The following PHF21A variants were observed in gnomAD, a reference collection of about 807,000 sequenced individuals.
PHF21A encodes PHD finger protein 21A, also known as BHC80a.
PHF21A carries 11 observed loss-of-function variants against 82.5 expected under a neutral mutation model. That is an observed-to-expected ratio of 0.13 (90% CI 0.08 to 0.22). The LOEUF (loss-of-function observed/expected upper bound fraction) is 0.22, where lower values mean the gene tolerates loss of function less well. PHF21A is among the 10% of genes least tolerant of loss of function. The probability of loss-of-function intolerance (pLI) is 1.00; values close to 1 mark genes in which losing one functional copy is unlikely to be tolerated. For missense variants in PHF21A, 579 were observed against 837.8 expected (o/e 0.69, Z 3.81); for synonymous variants, 297 against 302.8 (o/e 0.98, Z 0.20).
chr11:46,027,712 T>C (rs1010569222), intron 6 of PHF21A, among the ~76,000 whole-genome samples: 3 of 152,220 alleles, frequency 2.0e-5, no homozygotes, highest in Admixed American at 6.5e-5. Context: ...AAGACGCCTA[T>C]TGTTCCCATA....
At chr11:45,993,028 A>G (rs766761246) in intron 6 of PHF21A, among the ~76,000 whole-genome samples, 2 of 152,230 alleles carry the variant, frequency 1.3e-5, no homozygotes, top group Non-Finnish European at 2.9e-5. Context: ...AATTACAGTA[A>G]GCAAAATGTA....
intron 1 of PHF21A, among the ~76,000 whole-genome samples, chr11:46,106,033 G>A (rs2097148987): frequency 6.6e-6 from 1 of 152,174 alleles, no homozygotes; most frequent in Admixed American, 6.5e-5. Flanking sequence ...GAACAGGACT[G>A]GACCTAAAGG....
In PHF21A at chr11:46,079,171, T is replaced by G; in HGVS notation, c.55-5A>C. 1.9e-6 allele frequency: 3 copies of G among 1,595,430 alleles called. No homozygotes were observed. In the South Asian group the frequency reaches 3.4e-5, roughly 18 times the overall value. On this transcript the variant is annotated splice_polypyrimidine_tract_variant and splice_region_variant and intron_variant, in intron 4 of 18. Coordinates refer to ENST00000676320, the MANE Select transcript of PHF21A (RefSeq NM_001352027.3). The stretch of plus-strand genomic sequence containing the variant: ...CTTCATTTGAGCAACCAGTTTCTGG[T>G]AATAAAGAGAGAAAAAGAGCCATCA...
chr11:46,059,529 A>G (rs978025219), intron 6 of PHF21A, among the ~76,000 whole-genome samples: 3 of 152,098 alleles, frequency 2.0e-5, no homozygotes, highest in Non-Finnish European at 4.4e-5. Flanking sequence ...GGGTTCAAGC[A>G]ATCCTCCTGA....
At chr11:45,969,352 T>C (rs897255128) in intron 9 of PHF21A, among the ~76,000 whole-genome samples, 1 of 152,234 alleles carries the variant, frequency 6.6e-6, no homozygotes, top group African/African-American at 2.4e-5. Context: ...CCTAAGCCTT[T>C]AGAAGCAAGG....
chr11:45,955,430 G>A (rs1212133355), intron 10 of PHF21A, among the ~76,000 whole-genome samples: 1 of 152,156 alleles, frequency 6.6e-6, no homozygotes, highest in Non-Finnish European at 1.5e-5. Flanking sequence ...CTTTGAATAG[G>A]AAGGAGAGAA....
At chr11:46,090,058 T>C (rs2096906198) in intron 3 of PHF21A, among the ~76,000 whole-genome samples, 2 of 151,580 alleles carry the variant, frequency 1.3e-5, no homozygotes, top group Non-Finnish European at 2.9e-5. Flanking sequence ...CTAACTTTCT[T>C]TACAAAAATC....
At chr11:45,958,550 G>T (rs937451693) in intron 10 of PHF21A, among the ~76,000 whole-genome samples, 1 of 146,034 alleles carries the variant, frequency 6.8e-6, no homozygotes, top group African/African-American at 2.5e-5. Context: ...CACTTGAGCC[G>T]AAATCATGCC....
intron 6 of PHF21A, among the ~76,000 whole-genome samples, chr11:46,006,862 T>C (rs1591874823): frequency 6.6e-6 from 1 of 152,172 alleles, no homozygotes; most frequent in Admixed American, 6.5e-5. Flanking sequence ...AAAATACAAA[T>C]CAACAGGTAC....
intron 6 of PHF21A, among the ~76,000 whole-genome samples, chr11:45,993,996 T>C (rs924525133): frequency 1.3e-5 from 2 of 152,126 alleles, no homozygotes; most frequent in South Asian, 2.1e-4. Flanking sequence ...AGGGAGACTG[T>C]ACTTCTGTCA....
At chr11:45,965,103 A>C (rs1357521556) in intron 10 of PHF21A, among the ~76,000 whole-genome samples, 3 of 152,218 alleles carry the variant, frequency 2.0e-5, no homozygotes, top group Non-Finnish European at 1.5e-5. Context: ...ATCCCAGCCC[A>C]TCTACGAGGG....
chr11:46,082,265 T>C (rs2096801077), intron 4 of PHF21A, among the ~76,000 whole-genome samples: 1 of 152,142 alleles, frequency 6.6e-6, no homozygotes, highest in Non-Finnish European at 1.5e-5. Flanking sequence ...CCTAATCTCA[T>C]TCCCTAACTG....
In PHF21A at chr11:46,014,756, G is replaced by A. The variant is rs371651231; in HGVS notation, c.154-34790C>T. 2.6e-4 allele frequency among the ~76,000 whole-genome samples: 28 copies of A among 109,676 alleles called. 13 individuals are homozygous for A. Among genetic ancestry groups the A allele is most frequent in the Middle Eastern group, 8.2e-3 (2 of 244 alleles). 72.0% of individuals were successfully genotyped at this position (109,676 alleles called of 152,430 possible). ...AGCACTTTGGGAGGCCGAGGCGGGCGGATCACGAGGTCAGGAGATCGAGAC... is the reference window on the plus strand; with the variant it reads ...AGCACTTTGGGAGGCCGAGGCGGGCAGATCACGAGGTCAGGAGATCGAGAC... On this transcript the variant is annotated intron_variant, in intron 6 of 18. Coordinates refer to ENST00000676320, the MANE Select transcript of PHF21A (RefSeq NM_001352027.3).
intron 6 of PHF21A, among the ~76,000 whole-genome samples, chr11:46,022,907 C>G (rs1249963125): frequency 6.6e-6 from 1 of 152,070 alleles, no homozygotes; most frequent in African/African-American, 2.4e-5. Flanking sequence ...TGCACCACCA[C>G]ACTTGGGTAA....
At chr11:45,977,485 TGG>T (rs1399817066) in intron 7 of PHF21A, among the ~76,000 whole-genome samples, 10 of 152,190 alleles carry the variant, frequency 6.6e-5, no homozygotes, top group African/African-American at 2.2e-4. Flanking sequence ...GATGTTTCCA[TGG>T]GTTAAGACAG....
chr11:46,080,539 A>C (rs1182072761), intron 4 of PHF21A, among the ~76,000 whole-genome samples: 1 of 152,188 alleles, frequency 6.6e-6, no homozygotes, highest in Non-Finnish European at 1.5e-5. Context: ...ACTAAACTAT[A>C]AACAATAGGT....
chr11:45,945,265 TA>T (rs1160787376), intron 15 of PHF21A, among the ~76,000 whole-genome samples: 1 of 152,230 alleles, frequency 6.6e-6, no homozygotes, highest in East Asian at 1.9e-4. Context: ...GAGGTTCATT[TA>T]AACATTTAGA....
At position 45,958,396 on chromosome 11, in the gene PHF21A, C is replaced by CAAAAAAAAAAAA. The variant is rs1159762183; in HGVS notation, c.997-4783_997-4772dup. 4.7e-3 allele frequency among the ~76,000 whole-genome samples: 5 copies of CAAAAAAAAAAAA among 1,066 alleles called. 2 individuals carry two copies. Among genetic ancestry groups the CAAAAAAAAAAAA allele is most frequent in the Non-Finnish European group, 6.7e-3 (4 of 594 alleles). 0.7% of individuals were successfully genotyped at this position (1,066 alleles called of 152,430 possible). A position where few individuals can be genotyped will look rare whatever the true frequency, so the allele number is the denominator to read the frequency against. Reference sequence around the variant, plus strand: ...TGAGCAACATGACAAAACCTGGTCTCAAAAAAAAAAAAAAAAAAAAAAAAT... The same window carrying CAAAAAAAAAAAA: ...TGAGCAACATGACAAAACCTGGTCTCAAAAAAAAAAAAAAAAAAAAAAAAAAAAAAAAAAAAT... On this transcript the variant is annotated intron_variant, in intron 10 of 18. Transcript: ENST00000676320.
At chr11:45,960,655 A>G (rs2093020719) in intron 10 of PHF21A, among the ~76,000 whole-genome samples, 1 of 152,226 alleles carries the variant, frequency 6.6e-6, no homozygotes, top group Non-Finnish European at 1.5e-5. Flanking sequence ...ATGCCACTGA[A>G]CTGTTATTTT....
Sources: gnomAD v4.1 joint callset for allele counts (sites outside exome capture counted in the v4.1 genomes callset) on GRCh38, gnomAD v4.1.1 for gene constraint, MANE v1.5 for transcripts, NCBI Gene and HGNC (gene_info 2026-07-23, HGNC 2026-07-21) for gene names.